Variants in ADGRL2 observed in about 807,000 individuals in gnomAD.
ADGRL2 encodes the protein calcium-independent alpha-latrotoxin receptor 2.
ADGRL2 carries 44 observed loss-of-function variants against 157.4 expected under a neutral mutation model. The ratio of observed to expected loss-of-function variants is 0.28; its 90% CI spans 0.22 to 0.36. The LOEUF is 0.36. Ranked by LOEUF, ADGRL2 falls within the 10% of genes least tolerant of loss-of-function variation. The pLI, the probability that ADGRL2 is intolerant of heterozygous loss-of-function variation, is 1.00. For synonymous variants in ADGRL2, 585 were observed against 624.7 expected (o/e 0.94, Z 0.95); for missense variants, 1,510 against 1,768.9 (o/e 0.85, Z 2.63).
chr1:81,322,113 C>T (rs79317334), intron 1 of ADGRL2, among the ~76,000 whole-genome samples: 2,500 of 111,440 alleles, frequency 0.022, 102 homozygotes, highest in African/African-American at 0.08. Context: ...TATATATACA[C>T]ATATATATAT....
At position 81,642,248 on chromosome 1, in the gene ADGRL2, CA is replaced by C. The variant is rs35830955; in HGVS notation, c.-143+61290del. On this transcript the variant is annotated intron_variant, in intron 3 of 24. Transcript: ENST00000370721. ...GGGCGACAGAGCGAGACTCTGTCTC[CA>C]AAAAAAAAAAAAAAAAAAAAATTAG... Among the ~76,000 whole-genome samples, 457 of 61,642 alleles carry C rather than the reference CA, an allele frequency of 7.4e-3. 4 individuals are homozygous for C. The highest frequency in any genetic ancestry group is 0.065 in the East Asian group (139 of 2,142). The allele number at this position is 61,642 out of a possible 152,430, so 40.4% of individuals were successfully genotyped here.
At chr1:81,522,404 G>A (rs564384788) in intron 2 of ADGRL2, among the ~76,000 whole-genome samples, 3 of 152,030 alleles carry the variant, frequency 2.0e-5, no homozygotes, top group Non-Finnish European at 4.4e-5. Context: ...ATATATTGAG[G>A]GTGCTAGGAT....
intron 1 of ADGRL2, among the ~76,000 whole-genome samples, chr1:81,425,227 T>TA (rs1384190994): frequency 6.6e-6 from 1 of 152,202 alleles, no homozygotes; most frequent in Non-Finnish European, 1.5e-5. Context: ...ATGTTGACCC[T>TA]ATCACATATA....
intron 3 of ADGRL2, among the ~76,000 whole-genome samples, chr1:81,682,135 T>TGTG: frequency 1.1e-5 from 1 of 88,430 alleles, no homozygotes; most frequent in African/African-American, 5.0e-5. Flanking sequence ...GTGTGTGTAT[T>TGTG]TTTCTTTTTC....
In ADGRL2 at chr1:81,992,722, T is replaced by C. The variant is rs1183299084; in HGVS notation, c.*1577T>C. Among the ~76,000 whole-genome samples the C allele has an allele frequency of 1.3e-5, 2 of 152,064 alleles. No individual in the cohort carries two copies. The highest frequency in any genetic ancestry group is 4.8e-5 in the African/African-American group (2 of 41,402). On this transcript the variant is annotated 3_prime_UTR_variant, in exon 24 of 24. Transcript: ENST00000686636. Reference sequence around the variant, plus strand: ...GTTCTGCCATCAAATTTGGGTATCATAAAAAGTTTTTAACTGATTTTTCAG... The same window carrying C: ...GTTCTGCCATCAAATTTGGGTATCACAAAAAGTTTTTAACTGATTTTTCAG...
intron 2 of ADGRL2, among the ~76,000 whole-genome samples, chr1:81,524,189 T>A (rs898487298): frequency 6.9e-6 from 1 of 144,130 alleles, no homozygotes; most frequent in Non-Finnish European, 1.5e-5. Flanking sequence ...TGAAACCCCA[T>A]CTCTACTAAA....
chr1:81,509,149 A>G lies in ADGRL2; in HGVS notation c.-248+64060A>G, dbSNP rs528132216. Among the ~76,000 whole-genome samples, 9 of 152,314 alleles carry G rather than the reference A, an allele frequency of 5.9e-5. No individual in the cohort carries two copies. In the East Asian group the frequency reaches 1.5e-3, roughly 26 times the overall value. On this transcript the variant is annotated intron_variant, in intron 2 of 24. Coordinates refer to the ADGRL2 transcript ENST00000370721. ...TGCTTAAAATCTAGAGTAATGGAGT[A>G]TGGTACTTCCACTGCTAAAATGAAT...
chr1:81,775,404 C>T (rs2086539655), intron 2 of ADGRL2, among the ~76,000 whole-genome samples: 1 of 152,114 alleles, frequency 6.6e-6, no homozygotes, highest in African/African-American at 2.4e-5. Context: ...AAAGGCAGAT[C>T]TTCTGACTAT....
At chr1:81,898,845 T>G (rs1372455753) in intron 2 of ADGRL2, among the ~76,000 whole-genome samples, 5 of 152,210 alleles carry the variant, frequency 3.3e-5, no homozygotes, top group Non-Finnish European at 7.3e-5. Flanking sequence ...TTAAGTATTT[T>G]TCTCATTTCC....
chr1:81,681,045 G>T (rs2083102246), intron 3 of ADGRL2, among the ~76,000 whole-genome samples: 1 of 152,188 alleles, frequency 6.6e-6, no homozygotes, highest in South Asian at 2.1e-4. Flanking sequence ...AAGTAATGAG[G>T]ATCAAGAATG....
chr1:81,626,346 C>T (rs1362493418), intron 3 of ADGRL2, among the ~76,000 whole-genome samples: 3 of 152,156 alleles, frequency 2.0e-5, no homozygotes, highest in Non-Finnish European at 4.4e-5. Context: ...ACTCCTGTCA[C>T]CCAGGCTAGA....
At chr1:81,403,563 GCCA>G (rs576006806) in intron 1 of ADGRL2, among the ~76,000 whole-genome samples, 1,586 of 152,118 alleles carry the variant, frequency 0.01, 28 homozygotes, top group African/African-American at 0.034. Flanking sequence ...ACCGTGCCTG[GCCA>G]TAACACTTTT....
intron 3 of ADGRL2, among the ~76,000 whole-genome samples, chr1:81,618,742 A>G (rs1277916599): frequency 2.6e-5 from 4 of 152,254 alleles, no homozygotes; most frequent in African/African-American, 9.6e-5. Context: ...GTTCACAGTA[A>G]TCATTCTAAA....
intron 1 of ADGRL2, among the ~76,000 whole-genome samples, chr1:81,707,073 GC>G (rs937911871): frequency 3.3e-5 from 5 of 152,176 alleles, no homozygotes; most frequent in African/African-American, 1.2e-4. Context: ...AACTTGGTCT[GC>G]CGCGCTATTT....
chr1:81,505,705 C>A (rs2078958260), intron 2 of ADGRL2, among the ~76,000 whole-genome samples: 1 of 139,038 alleles, frequency 7.2e-6, no homozygotes, highest in Non-Finnish European at 1.5e-5. Context: ...CATGGGTAGC[C>A]TAGGCAGTGA....
chr1:81,758,568 A>G (rs1028305186), intron 1 of ADGRL2, among the ~76,000 whole-genome samples: 1 of 152,216 alleles, frequency 6.6e-6, no homozygotes, highest in Non-Finnish European at 1.5e-5. Flanking sequence ...CCATACTAAC[A>G]TAAAGCATTG....
intron 3 of ADGRL2, among the ~76,000 whole-genome samples, chr1:81,659,669 T>C (rs2082612917): frequency 6.6e-6 from 1 of 152,206 alleles, no homozygotes; most frequent in Non-Finnish European, 1.5e-5. Flanking sequence ...AAGTATCATT[T>C]CATGATTGGT....
chr1:81,721,768 G>A (rs1330439479), intron 1 of ADGRL2: 5 of 1,394,090 alleles, frequency 3.6e-6, no homozygotes, highest in Non-Finnish European at 1.0e-6. Context: ...TGCACACCGA[G>A]GAAATGTGCT....
chr1:81,621,191 G>A (rs2081782602), intron 3 of ADGRL2, among the ~76,000 whole-genome samples: 1 of 152,140 alleles, frequency 6.6e-6, no homozygotes, highest in African/African-American at 2.4e-5. Flanking sequence ...GAGTGGACTA[G>A]TTTTGGGGAT....
Sources: allele counts gnomAD v4.1 joint callset (sites outside exome capture counted in the v4.1 genomes callset), GRCh38; gene constraint gnomAD v4.1.1; transcripts MANE v1.5; gene names NCBI Gene and HGNC (gene_info 2026-07-23, HGNC 2026-07-21).